Variants in FAM117B observed in about 807,000 individuals in gnomAD.
The protein encoded by FAM117B is family with sequence similarity 117 member B.
Under a neutral mutation model 52.8 loss-of-function variants are expected in FAM117B, and 22 were observed. The observed-to-expected ratio is 0.42, with a 90% CI of 0.30 to 0.59. The LOEUF (loss-of-function observed/expected upper bound fraction) is 0.59, where lower values mean the gene tolerates loss of function less well. FAM117B is among the 20% of genes least tolerant of loss of function. The probability of loss-of-function intolerance (pLI) is 0.22; values close to 1 mark genes in which losing one functional copy is unlikely to be tolerated. For missense variants in FAM117B, 678 were observed against 802.6 expected, an observed-to-expected ratio of 0.84 and a Z score of 1.88; for synonymous variants, 309 against 324.1, an observed-to-expected ratio of 0.95 and a Z score of 0.50.
intron 2 of FAM117B, among the ~76,000 whole-genome samples, chr2:202,708,598 A>T (rs1690911886): frequency 1.3e-5 from 2 of 152,036 alleles, no homozygotes; most frequent in South Asian, 2.1e-4. Context: ...TGGTTTTTCC[A>T]TTTTTAATTA....
intron 2 of FAM117B, among the ~76,000 whole-genome samples, chr2:202,713,743 G>T (rs920386303): frequency 5.3e-5 from 8 of 152,058 alleles, no homozygotes; most frequent in Non-Finnish European, 1.2e-4. Flanking sequence ...GTTTCGCTCT[G>T]TTGCTCAGGT....
chr2:202,716,082 AG>A (rs1188270462), intron 2 of FAM117B, among the ~76,000 whole-genome samples: 1 of 152,080 alleles, frequency 6.6e-6, no homozygotes, highest in Non-Finnish European at 1.5e-5. Flanking sequence ...GAAAGGGGAG[AG>A]GGAGAGGGAG....
chr2:202,649,930 C>T lies in FAM117B; in HGVS notation c.601+14142C>T, dbSNP rs189332856. Among the ~76,000 whole-genome samples the T allele has an allele frequency of 6.2e-4, 94 of 152,036 alleles. 2 individuals are homozygous for T. In the East Asian group the frequency reaches 0.015, roughly 25 times the overall value. ...TTGCCCAGGCTGGAGTGCAGTGGTG[C>T]GATCTCAGCTCACTGGAACCTTCAC... On this transcript the variant is annotated intron_variant, in intron 1 of 7. Coordinates refer to ENST00000392238, the MANE Select transcript of FAM117B (RefSeq NM_173511.4).
chr2:202,733,254 A>T (rs1574574164), intron 4 of FAM117B, among the ~76,000 whole-genome samples: 1 of 152,246 alleles, frequency 6.6e-6, no homozygotes, highest in Admixed American at 6.5e-5. Context: ...GGGCAAAGCA[A>T]AGATCACAAG....
At chr2:202,695,677 T>C (rs1296279649) in intron 1 of FAM117B, among the ~76,000 whole-genome samples, 3 of 152,192 alleles carry the variant, frequency 2.0e-5, no homozygotes, top group Non-Finnish European at 2.9e-5. Flanking sequence ...CATAGATATG[T>C]ATATATAGGA....
rs1691285734 is a variant in FAM117B, at chr2:202,728,186, T to C, written c.960+1823T>C. Reference sequence around the variant, plus strand: ...TATTTTTATTTTTGTAGAGATGGGGTCTGTGTTGCCCAAGCTGGTCACTAA... The same window carrying C: ...TATTTTTATTTTTGTAGAGATGGGGCCTGTGTTGCCCAAGCTGGTCACTAA... On this transcript the variant is annotated intron_variant, in intron 4 of 7. Coordinates refer to ENST00000392238, the MANE Select transcript of FAM117B (RefSeq NM_173511.4). Among the ~76,000 whole-genome samples, 5 of 152,024 alleles carry C rather than the reference T, an allele frequency of 3.3e-5. No individual in the cohort carries two copies. The South Asian group carries it at 1.0e-3, about 32-fold the overall frequency.
At chr2:202,717,811 C>G (rs946098757) in intron 2 of FAM117B, among the ~76,000 whole-genome samples, 3 of 148,774 alleles carry the variant, frequency 2.0e-5, no homozygotes, top group Admixed American at 6.6e-5. Flanking sequence ...CTGGCTAATG[C>G]TTTTGATTGC....
At chr2:202,746,138 A>C (rs1357961195) in intron 4 of FAM117B, among the ~76,000 whole-genome samples, 1 of 152,232 alleles carries the variant, frequency 6.6e-6, no homozygotes, top group Admixed American at 6.5e-5. Flanking sequence ...CAATAGCTAC[A>C]GAATACACAT....
chr2:202,709,996 T>TTTATGCCAGTACTATATTATTTTTA (rs1690934059), intron 2 of FAM117B, among the ~76,000 whole-genome samples: 1 of 152,244 alleles, frequency 6.6e-6, no homozygotes, highest in Admixed American at 6.5e-5. Context: ...ATGTCTTATC[T>TTTATGCCAGTACTATATTATTTTTA]TTATGCCAGT....
In FAM117B at chr2:202,766,061, A is replaced by AACACACACACACAC. The variant is rs34556556; in HGVS notation, c.*330_*343dup. On this transcript the variant is annotated 3_prime_UTR_variant, in exon 8 of 8. Coordinates refer to ENST00000392238, the MANE Select transcript of FAM117B (RefSeq NM_173511.4). ...TTGTTTTCGAATTAGACTTCTTTAA[A>AACACACACACACAC]ACACACACACACACACACACACACA... is the stretch of plus-strand genomic sequence containing the variant. 3.0e-3 allele frequency: 608 copies of AACACACACACACAC among 203,082 alleles called. No homozygotes were observed. Among genetic ancestry groups the AACACACACACACAC allele is most frequent in the Admixed American group, 5.2e-3 (85 of 16,364 alleles). The allele number at this position is 203,082 out of a possible 1,614,324, so 12.6% of individuals were successfully genotyped here. A position where few individuals can be genotyped will look rare whatever the true frequency, so the allele number is the denominator to read the frequency against.
chr2:202,699,546 A>T (rs1423278432), intron 2 of FAM117B, among the ~76,000 whole-genome samples: 1 of 150,786 alleles, frequency 6.6e-6, no homozygotes, highest in Non-Finnish European at 1.5e-5. Context: ...ATAACTGGGT[A>T]CTCCATCCTT....
chr2:202,712,419 CTTTTTTTT>C (rs1186703318), intron 2 of FAM117B, among the ~76,000 whole-genome samples: 10 of 89,458 alleles, frequency 1.1e-4, no homozygotes, highest in Admixed American at 1.1e-3. Flanking sequence ...TATCAGCTCT[CTTTTTTTT>C]TTTTTTTTTT....
At chr2:202,689,134 C>T (rs577190876) in intron 1 of FAM117B, among the ~76,000 whole-genome samples, 57 of 152,236 alleles carry the variant, frequency 3.7e-4, no homozygotes, top group South Asian at 1.0e-3. Flanking sequence ...TCTGTAAATA[C>T]AAATACTCAT....
At chr2:202,687,100 G>A (rs1690552846) in intron 1 of FAM117B, among the ~76,000 whole-genome samples, 1 of 152,070 alleles carries the variant, frequency 6.6e-6, no homozygotes, top group South Asian at 2.1e-4. Flanking sequence ...ATACAATGGA[G>A]TACTCCTCAG....
rs1267090425 is a variant in FAM117B at position 202,767,680 on chromosome 2, G to T, written c.*1916G>T. 1 of 152,146 alleles carries T rather than the reference G, an allele frequency of 6.6e-6. No homozygotes were observed. Among genetic ancestry groups the T allele is most frequent in the Admixed American group, 6.5e-5 (1 of 15,268 alleles). 9.4% of individuals were successfully genotyped at this position (152,146 alleles called of 1,614,324 possible). A position where few individuals can be genotyped will look rare whatever the true frequency, so the allele number is the denominator to read the frequency against. Reference sequence around the variant, plus strand: ...TTCTATCAAGGAAAACCTAGTGGTAGCAATAAATCTTTGGAAAGGACTTCT... The same window carrying T: ...TTCTATCAAGGAAAACCTAGTGGTATCAATAAATCTTTGGAAAGGACTTCT... On this transcript the variant is annotated 3_prime_UTR_variant, in exon 8 of 8. Transcript: ENST00000392238.
At chr2:202,677,978 A>G (rs183665367) in intron 1 of FAM117B, among the ~76,000 whole-genome samples, 1 of 152,320 alleles carries the variant, frequency 6.6e-6, no homozygotes, top group Admixed American at 6.5e-5. Flanking sequence ...CATTTCGTGA[A>G]TAAAACAACT....
At chr2:202,713,553 A>AT (rs1473901117) in intron 2 of FAM117B, among the ~76,000 whole-genome samples, 2 of 151,692 alleles carry the variant, frequency 1.3e-5, no homozygotes, top group Non-Finnish European at 2.9e-5. Context: ...TTTTCTGTTA[A>AT]TTTTGTGTTT....
chr2:202,726,228 C>T (rs1375605525), intron 3 of FAM117B, 22 bp from the exon 4 acceptor site: 1 of 1,552,802 alleles, frequency 6.4e-7, no homozygotes, highest in Non-Finnish European at 8.9e-7. Context: ...CTCTGGTGTA[C>T]TTGCTATTTT....
intron 1 of FAM117B, among the ~76,000 whole-genome samples, chr2:202,671,553 A>G (rs533414333): frequency 1.3e-5 from 2 of 152,334 alleles, no homozygotes; most frequent in East Asian, 3.9e-4. Context: ...ATGCTGAGAA[A>G]TTGTCTGGAG....
Sources: gnomAD v4.1 joint callset for allele counts (sites outside exome capture counted in the v4.1 genomes callset) on GRCh38, gnomAD v4.1.1 for gene constraint, MANE v1.5 for transcripts, NCBI Gene and HGNC (gene_info 2026-07-23, HGNC 2026-07-21) for gene names.